Variants in PIGR observed in about 807,000 individuals in gnomAD.
PIGR encodes polymeric immunoglobulin receptor, also known as hepatocellular carcinoma associated protein TB6.
A neutral mutation model predicts 69.5 loss-of-function variants in PIGR; 22 were observed. That is an observed-to-expected ratio of 0.32 (90% CI 0.23 to 0.45). The LOEUF is 0.45. Ranked by LOEUF, PIGR falls within the 20% of genes least tolerant of loss-of-function variation. The pLI, the probability that PIGR is intolerant of heterozygous loss-of-function variation, is 1.00. For missense variants in PIGR, 885 were observed against 974.0 expected, an observed-to-expected ratio of 0.91 and a Z score of 1.22; for synonymous variants, 413 against 407.6, an observed-to-expected ratio of 1.01 and a Z score of -0.16.
intron 1 of PIGR, among the ~76,000 whole-genome samples, chr1:206,944,026 G>T (rs866402192): frequency 6.6e-6 from 1 of 152,312 alleles, no homozygotes; most frequent in South Asian, 2.1e-4. Flanking sequence ...TAGATCAAGA[G>T]CATAGGCCCT....
Position 206,930,335 on chromosome 1 carries a change from C to T in PIGR, c.2278G>A (p.Gly760Ser), listed in dbSNP as rs199922959. 1.1e-5 allele frequency: 17 copies of T among 1,611,328 alleles called. No individual in the cohort carries two copies. The highest frequency in any genetic ancestry group is 1.7e-4 in the Middle Eastern group (1 of 6,048). ...GACACCGTCTAGGCTTCCTGGGGGCCGTCCTGGGCCTCGGCGGCCACGGTG... is the reference window on the plus strand; with the variant it reads ...GACACCGTCTAGGCTTCCTGGGGGCTGTCCTGGGCCTCGGCGGCCACGGTG... The part of the protein sequence containing the change: ...SSTVAAEAQD[G>S]PQEA The change falls in exon 11 of 11, where the codon GGC becomes AGC. Residue 760 changes from glycine (G) to serine (S), a missense_variant. Gly to Ser is a moderately conservative substitution (Grantham distance 56, BLOSUM62 0). Coordinates refer to ENST00000356495, the MANE Select transcript of PIGR (RefSeq NM_002644.4). The surrounding 1 kb of genome is among the most constrained non-coding windows in gnomAD (Gnocchi z 4.3).
At chr1:206,931,338 C>A in intron 10 of PIGR, 159 bp downstream of exon 10, 1 of 1,513,438 alleles carries the variant, frequency 6.6e-7, no homozygotes, top group Non-Finnish European at 8.8e-7. Flanking sequence ...AGATATAGTT[C>A]TTCCTCAAAA....
In PIGR at chr1:206,930,551, C is replaced by T. The variant is rs1190584062; in HGVS notation, c.2200-138G>A. ...AGCCTTTGGGGCCCACTGTTCTCAT[C>T]CCAGCCCCCATGCTCACCAAGAAGG... On this transcript the variant is annotated intron_variant, in intron 10 of 10. Coordinates refer to ENST00000356495, the MANE Select transcript of PIGR (RefSeq NM_002644.4). The surrounding 1 kb of genome is among the most constrained non-coding windows in gnomAD (Gnocchi z 4.3). 7.5e-7 allele frequency: 1 copy of T among 1,339,716 alleles called. No homozygotes were observed. Among genetic ancestry groups the T allele is most frequent in the Non-Finnish European group, 9.6e-7 (1 of 1,043,482 alleles). 83.0% of individuals were successfully genotyped at this position (1,339,716 alleles called of 1,614,324 possible). A position where few individuals can be genotyped will look rare whatever the true frequency, so the allele number is the denominator to read the frequency against.
Position 206,937,180 on chromosome 1 carries a change from T to G in PIGR, c.960A>C (p.Ala320=). ...AATGGGCTCCACACAGGTAGCGCCC[T>G]GCATCCTCCTTCCTCAGGCCTGTGA... The part of the protein sequence containing the change: ...VVITGLRKED[A]GRYLCGAHSD... Residue 320 remains alanine, a synonymous_variant, in exon 4 of 11, where the codon GCA becomes GCC. Coordinates refer to ENST00000356495, the MANE Select transcript of PIGR (RefSeq NM_002644.4). The G allele has an allele frequency of 6.2e-7, 1 of 1,614,174 alleles. No individual in the cohort carries two copies. The highest frequency in any genetic ancestry group is 8.5e-7 in the Non-Finnish European group (1 of 1,180,010).
intron 4 of PIGR, among the ~76,000 whole-genome samples, 168 bp downstream of exon 4, chr1:206,936,927 C>T (rs574134328): frequency 1.3e-5 from 2 of 152,242 alleles, no homozygotes; most frequent in Non-Finnish European, 2.9e-5. Context: ...GTTGCTTTTT[C>T]TTGCTGTCCT....
chr1:206,930,263 C>A lies in PIGR; in HGVS notation c.*55G>T. On this transcript the variant is annotated 3_prime_UTR_variant, in exon 11 of 11. Transcript: ENST00000356495. The surrounding 1 kb of genome is among the most constrained non-coding windows in gnomAD (Gnocchi z 4.3). The stretch of plus-strand genomic sequence containing the variant: ...CCCCAGGAGCTGAGGGCCCCAGGAT[C>A]GACATGATTCTGAAGGTGATTGTCA... The A allele has an allele frequency of 4.0e-6, 6 of 1,493,002 alleles. No individual in the cohort carries two copies. Among genetic ancestry groups the A allele is most frequent in the Non-Finnish European group, 5.5e-6 (6 of 1,098,740 alleles). 92.5% of individuals were successfully genotyped at this position (1,493,002 alleles called of 1,614,324 possible).
At chr1:206,934,354 G>T (rs908700) in intron 6 of PIGR, 66 bp downstream of exon 6, 2 of 1,388,370 alleles carry the variant, frequency 1.4e-6, no homozygotes, top group African/African-American at 1.4e-5. Flanking sequence ...AAGCTCTCAG[G>T]CAGGGGCCTT....
At chr1:206,940,075 T>C (rs1679952594) in intron 2 of PIGR, among the ~76,000 whole-genome samples, 1 of 152,240 alleles carries the variant, frequency 6.6e-6, no homozygotes. Context: ...TGTTTGCACT[T>C]GCCATGTGTT....
At chr1:206,936,419 C>T (rs1466935575) in intron 4 of PIGR, among the ~76,000 whole-genome samples, 1 of 151,794 alleles carries the variant, frequency 6.6e-6, no homozygotes, top group Non-Finnish European at 1.5e-5. Flanking sequence ...ACATGGCATG[C>T]AGAGAATATA....
At position 206,945,086 on chromosome 1, in the gene PIGR, T is replaced by C. The variant is rs191882658; in HGVS notation, c.-54+1250A>G. Among the ~76,000 whole-genome samples, 57 of 152,294 alleles carry C rather than the reference T, an allele frequency of 3.7e-4. 1 individual carries two copies. The South Asian group carries it at 5.8e-3, about 16-fold the overall frequency. ...CTAGGAGATAAGCAGAGAGAGTTGC[T>C]TTCCTGACTCCTGGCTCAGTGTTCT... On this transcript the variant is annotated intron_variant, in intron 1 of 10. Coordinates refer to ENST00000356495, the MANE Select transcript of PIGR (RefSeq NM_002644.4).
rs1271501216 is a variant in PIGR, at chr1:206,932,468, T to C, written c.1996A>G (p.Arg666Gly). Residue 666 changes from arginine (R) to glycine (G), a missense_variant, in exon 8 of 11, where the codon AGG (arginine) becomes GGG (glycine). Coordinates refer to ENST00000356495, the MANE Select transcript of PIGR (RefSeq NM_002644.4). ...CCCAGGGACTCACCGACGTTCTTCCTGTGCCGGGCTCTGGCCACCCCCACA... is the reference window on the plus strand; with the variant it reads ...CCCAGGGACTCACCGACGTTCTTCCCGTGCCGGGCTCTGGCCACCCCCACA... ...VAVGVARARHRKNVDRVSIRS... is the reference protein window; with the variant it reads ...VAVGVARARHGKNVDRVSIRS... 6.2e-7 allele frequency: 1 copy of C among 1,611,750 alleles called. No homozygotes were observed. The highest frequency in any genetic ancestry group is 1.7e-5 in the Admixed American group (1 of 59,856).
chr1:206,930,655 TG>T lies in PIGR; in HGVS notation c.2200-243del. On this transcript the variant is annotated intron_variant, in intron 10 of 10. Transcript: ENST00000356495. The surrounding 1 kb of genome is among the most constrained non-coding windows in gnomAD (Gnocchi z 4.3). ...CACTACCTCCTTCTGACACACGGAG[TG>T]GAACCGCCTCTGTTGCCCGGGCCTG... is the stretch of plus-strand genomic sequence containing the variant. 1.0e-6 allele frequency: 1 copy of T among 984,996 alleles called. No homozygotes were observed. The highest frequency in any genetic ancestry group is 4.7e-5 in the South Asian group (1 of 21,258). 61.0% of individuals were successfully genotyped at this position (984,996 alleles called of 1,614,324 possible).
At position 206,933,083 on chromosome 1, in the gene PIGR, T is replaced by C; in HGVS notation, c.1789A>G (p.Lys597Glu). Reference protein sequence around the residue: ...LDSGFREIENKAIQDPRLFAE... With the variant: ...LDSGFREIENEAIQDPRLFAE... ...AAAAGCCTGGGATCCTGAATGGCTT[T>C]GTTCTCAATCTCCCGAAAACCAGAG... Residue 597 changes from lysine (K) to glutamate (E), a missense_variant, in exon 7 of 11, where the codon AAA becomes GAA. Coordinates refer to ENST00000356495, the MANE Select transcript of PIGR (RefSeq NM_002644.4). The C allele has an allele frequency of 6.2e-7, 1 of 1,614,234 alleles. No homozygotes were observed. Among genetic ancestry groups the C allele is most frequent in the South Asian group, 1.1e-5 (1 of 91,088 alleles).
At chr1:206,938,396 A>T (rs1679910378) in intron 3 of PIGR, among the ~76,000 whole-genome samples, 1 of 152,204 alleles carries the variant, frequency 6.6e-6, no homozygotes, top group Non-Finnish European at 1.5e-5. Context: ...TGACCTCCTC[A>T]TTTAGTCCAC....
At chr1:206,931,846 A>G (rs1182092109) in intron 8 of PIGR, 44 bp from the exon 9 acceptor site, 6 of 1,611,654 alleles carry the variant, frequency 3.7e-6, no homozygotes, top group Non-Finnish European at 5.1e-6. Context: ...AGGGGCTGGG[A>G]CCTAGAAGGC....
Position 206,935,167 on chromosome 1 carries a change from T to G in PIGR, c.1378+319A>C, listed in dbSNP as rs1383320802. On this transcript the variant is annotated intron_variant, in intron 5 of 10. Transcript: ENST00000356495. This position sits in a 1 kb window ranked among gnomAD's most constrained non-coding sequence, Gnocchi z 4.4. ...ACCATAGACCATAGATCTTCACACA[T>G]GGACTTCAGTTTGCTTTCCTCACTC... Among the ~76,000 whole-genome samples the G allele has an allele frequency of 1.3e-5, 2 of 152,196 alleles. No homozygotes were observed. Among genetic ancestry groups the G allele is most frequent in the Non-Finnish European group, 2.9e-5 (2 of 68,032 alleles).
chr1:206,930,382 T>C lies in PIGR; in HGVS notation c.2231A>G (p.Lys744Arg). Residue 744 changes from lysine to arginine, a missense_variant, in exon 11 of 11, where the codon AAA (lysine) becomes AGA (arginine). Physicochemically the swap from Lys to Arg is conservative, Grantham distance 26. Coordinates refer to ENST00000356495, the MANE Select transcript of PIGR (RefSeq NM_002644.4). This position sits in a 1 kb window ranked among gnomAD's most constrained non-coding sequence, Gnocchi z 4.3. ...SSKEEAEMAY[K>R]DFLLQSSTVA... ...GGTGCTGGACTGGAGCAGGAAGTCT[T>C]TGTAGGCCATCTCGGCTTCCTCCTT... 3 of 1,613,012 alleles carry C rather than the reference T, an allele frequency of 1.9e-6. No individual in the cohort carries two copies. The highest frequency in any genetic ancestry group is 2.5e-6 in the Non-Finnish European group (3 of 1,179,474).
chr1:206,933,215 T>C, intron 6 of PIGR, 49 bp from the exon 7 acceptor site: 1 of 1,587,712 alleles, frequency 6.3e-7, no homozygotes, highest in South Asian at 1.1e-5. Flanking sequence ...TCTATGCTCT[T>C]ACTCCTCGAG....
chr1:206,931,732 T>G lies in PIGR; in HGVS notation c.2079A>C (p.Gly693=), dbSNP rs770428986. ...MSDFENSREF[G]ANDNMGASSI... ...AAGAGGCTCCCATGTTGTCATTGGC[T>G]CCAAATTCCCTGGAGTTCTCGAAGT... The change falls in exon 9 of 11, where the codon GGA becomes GGC. Residue 693 remains glycine, a synonymous_variant. Transcript: ENST00000356495. 1 of 1,614,156 alleles carries G rather than the reference T, an allele frequency of 6.2e-7. No individual in the cohort carries two copies. The highest frequency in any genetic ancestry group is 2.2e-5 in the East Asian group (1 of 44,876).
Sources: allele counts gnomAD v4.1 joint callset (sites outside exome capture counted in the v4.1 genomes callset), GRCh38; gene constraint gnomAD v4.1.1; non-coding constraint Gnocchi (gnomAD v3.1); transcripts MANE v1.5; gene names NCBI Gene and HGNC (gene_info 2026-07-23, HGNC 2026-07-21).